The following PSD3 variants were observed in gnomAD, a reference collection of about 807,000 sequenced individuals.
PSD3 encodes the protein pleckstrin and Sec7 domain containing 3, also known as PH and SEC7 domain-containing protein 3.
A neutral mutation model predicts 105.5 loss-of-function variants in PSD3; 49 were observed. That is an observed-to-expected ratio of 0.46 (90% confidence interval 0.37 to 0.59). The LOEUF is 0.59. Ranked by LOEUF, PSD3 falls within the 20% of genes least tolerant of loss-of-function variation. The probability of loss-of-function intolerance (pLI) is 0.00; values close to 1 mark genes in which losing one functional copy is unlikely to be tolerated. For synonymous variants in PSD3, 557 were observed against 457.8 expected (o/e 1.22, Z -2.77); for missense variants, 1,561 against 1,263.8 (o/e 1.24, Z -3.57).
chr8:18,919,078 T>A (rs1820820106), intron 2 of PSD3, among the ~76,000 whole-genome samples: 1 of 152,166 alleles, frequency 6.6e-6, no homozygotes, highest in Admixed American at 6.5e-5. Context: ...TCAAAGAATA[T>A]CTAGAGTGGA....
intron 2 of PSD3, among the ~76,000 whole-genome samples, chr8:18,909,094 T>G (rs1405526039): frequency 6.6e-6 from 1 of 152,228 alleles, no homozygotes; most frequent in Non-Finnish European, 1.5e-5. Flanking sequence ...AGGAATTACA[T>G]TTCAGATATT....
intron 9 of PSD3, among the ~76,000 whole-genome samples, chr8:18,752,617 AAT>A (rs1231432330): frequency 4.0e-4 from 29 of 71,770 alleles, no homozygotes; most frequent in African/African-American, 1.8e-3. Context: ...TAATACATAT[AAT>A]ATATATTATA....
chr8:18,726,540 A>G (rs1803345504), intron 9 of PSD3, among the ~76,000 whole-genome samples: 1 of 152,196 alleles, frequency 6.6e-6, no homozygotes, highest in Admixed American at 6.5e-5. Context: ...GCTACCTAGA[A>G]CTAGGCCCAA....
At chr8:18,921,921 A>T (rs567669074) in intron 2 of PSD3, among the ~76,000 whole-genome samples, 7 of 152,316 alleles carry the variant, frequency 4.6e-5, no homozygotes, top group African/African-American at 1.7e-4. Flanking sequence ...GCATTCCTCA[A>T]ATTCAGCAAC....
intron 1 of PSD3, among the ~76,000 whole-genome samples, chr8:18,970,837 ACCAACTACTTGGGAGGCTGTAGTC>A (rs1450281598): frequency 4.0e-5 from 6 of 151,856 alleles, no homozygotes; most frequent in Admixed American, 2.6e-4. Context: ...CACCTGTAGT[ACCAACTACTTGGGAGGCTGTAGTC>A]CCAACTACTT....
intron 9 of PSD3, among the ~76,000 whole-genome samples, chr8:18,726,943 T>C (rs1224835890): frequency 6.6e-6 from 1 of 152,130 alleles, no homozygotes; most frequent in African/African-American, 2.4e-5. Flanking sequence ...ATCCCAGCAC[T>C]TGCACTTTGG....
chr8:18,540,499 G>A (rs1800095729), intron 15 of PSD3, among the ~76,000 whole-genome samples: 1 of 152,146 alleles, frequency 6.6e-6, no homozygotes, highest in South Asian at 2.1e-4. Flanking sequence ...AAGGAAATTT[G>A]ACAATAAAAG....
chr8:19,072,099 T>C (rs1162610041), intron 1 of PSD3, among the ~76,000 whole-genome samples: 2 of 88,448 alleles, frequency 2.3e-5, no homozygotes, highest in East Asian at 7.8e-4. Context: ...TTCCTGAATA[T>C]TTCTTCTTTT....
At chr8:19,072,203 G>A (rs924334763) in intron 1 of PSD3, among the ~76,000 whole-genome samples, 1 of 151,678 alleles carries the variant, frequency 6.6e-6, no homozygotes. Flanking sequence ...CTGGGTTCAA[G>A]CAATTCTCCT....
rs1385052102 is a variant in PSD3, at chr8:19,013,621, C to T, written c.-38G>A. The T allele has an allele frequency of 3.6e-6, 5 of 1,382,390 alleles. No homozygotes were observed. Among genetic ancestry groups the T allele is most frequent in the Non-Finnish European group, 3.7e-6 (4 of 1,074,076 alleles). 85.6% of individuals were successfully genotyped at this position (1,382,390 alleles called of 1,614,324 possible). A position where few individuals can be genotyped will look rare whatever the true frequency, so the allele number is the denominator to read the frequency against. On this transcript the variant is annotated 5_prime_UTR_variant, in exon 1 of 16. Coordinates refer to ENST00000327040, the MANE Select transcript of PSD3 (RefSeq NM_015310.4). ...GCCCGGCCGCGCGCCGAAACCGCCG[C>T]CGGGCGCTCCGGGGCCGCAGCCTCA...
chr8:18,665,355 G>A (rs964926443), intron 9 of PSD3, among the ~76,000 whole-genome samples: 2 of 152,212 alleles, frequency 1.3e-5, no homozygotes, highest in Non-Finnish European at 2.9e-5. Flanking sequence ...TTCAGCAGAG[G>A]AAGTCACTGC....
chr8:18,977,031 G>A (rs1432673587), intron 1 of PSD3, among the ~76,000 whole-genome samples: 4 of 152,082 alleles, frequency 2.6e-5, no homozygotes, highest in Admixed American at 2.6e-4. Context: ...AAGAAATGGT[G>A]GGTGGATCAT....
intron 10 of PSD3, among the ~76,000 whole-genome samples, chr8:18,641,213 C>T (rs962486387): frequency 1.3e-5 from 2 of 152,140 alleles, no homozygotes; most frequent in Non-Finnish European, 2.9e-5. Context: ...ATTTAATTTC[C>T]TCACCTTACA....
intron 8 of PSD3, among the ~76,000 whole-genome samples, chr8:18,768,261 G>A (rs1304627556): frequency 6.6e-6 from 1 of 151,780 alleles, no homozygotes; most frequent in Non-Finnish European, 1.5e-5. Flanking sequence ...ACTCCAGCCT[G>A]AGCGACAGAG....
chr8:19,036,999 T>A (rs1295908634), intron 1 of PSD3, among the ~76,000 whole-genome samples: 1 of 152,196 alleles, frequency 6.6e-6, no homozygotes, highest in African/African-American at 2.4e-5. Flanking sequence ...ATCCCCTGTG[T>A]CCTAGCCCCT....
chr8:18,926,406 T>C (rs903329217), intron 2 of PSD3, among the ~76,000 whole-genome samples: 2 of 151,912 alleles, frequency 1.3e-5, no homozygotes, highest in Non-Finnish European at 1.5e-5. Flanking sequence ...TCATTATGTA[T>C]ATGAAAATAT....
intron 1 of PSD3, among the ~76,000 whole-genome samples, chr8:18,948,361 G>A (rs566201398): frequency 3.5e-4 from 54 of 152,230 alleles, no homozygotes; most frequent in African/African-American, 1.2e-3. Flanking sequence ...GAGCACTTGG[G>A]GATTTAAGTC....
At chr8:18,596,192 T>C (rs1804083237) in intron 12 of PSD3, among the ~76,000 whole-genome samples, 2 of 150,898 alleles carry the variant, frequency 1.3e-5, no homozygotes, top group African/African-American at 2.4e-5. Flanking sequence ...AATTGGACAA[T>C]AATTTGAGAC....
At chr8:18,539,211 A>G (rs1284385530) in intron 15 of PSD3, among the ~76,000 whole-genome samples, 1 of 152,232 alleles carries the variant, frequency 6.6e-6, no homozygotes, top group Non-Finnish European at 1.5e-5. Flanking sequence ...TCAACCACAT[A>G]TGTAAATGCT....
Sources: gnomAD v4.1 joint callset for allele counts (sites outside exome capture counted in the v4.1 genomes callset) on GRCh38, gnomAD v4.1.1 for gene constraint, MANE v1.5 for transcripts, NCBI Gene and HGNC (gene_info 2026-07-23, HGNC 2026-07-21) for gene names.